Variants in MAGI3 observed in about 807,000 individuals in gnomAD.
The protein encoded by MAGI3 is membrane-associated guanylate kinase, WW and PDZ domain-containing protein 3.
MAGI3 carries 43 observed loss-of-function variants against 121.8 expected under a neutral mutation model. The observed-to-expected ratio is 0.35, with a 90% CI of 0.28 to 0.46. The LOEUF (loss-of-function observed/expected upper bound fraction) is 0.46, where lower values mean the gene tolerates loss of function less well. Ranked by LOEUF, MAGI3 falls within the 20% of genes least tolerant of loss-of-function variation. MAGI3 has a pLI of 1.00. For missense variants in MAGI3, 1,547 were observed against 1,797.3 expected, an observed-to-expected ratio of 0.86 and a Z score of 2.52; for synonymous variants, 553 against 639.3, an observed-to-expected ratio of 0.86 and a Z score of 2.04.
At chr1:113,670,650 G>A (rs989129151) in intron 16 of MAGI3, among the ~76,000 whole-genome samples, 1 of 152,134 alleles carries the variant, frequency 6.6e-6, no homozygotes, top group Non-Finnish European at 1.5e-5. Context: ...TGATGATGAT[G>A]ATGAAAATGA....
chr1:113,653,758 A>C (rs1054755612), intron 14 of MAGI3, 72 bp from the exon 15 acceptor site: 1 of 1,303,328 alleles, frequency 7.7e-7, no homozygotes, highest in Non-Finnish European at 1.0e-6. Context: ...TGAGAGGCTT[A>C]GCATAAAAAC....
rs777045196 is a variant in MAGI3, at chr1:113,428,253, G to C, written c.316+36904G>C. Among the ~76,000 whole-genome samples, 50 of 152,170 alleles carry C rather than the reference G, an allele frequency of 3.3e-4. 1 individual carries two copies. The highest frequency in any genetic ancestry group is 1.2e-4 in the Non-Finnish European group (8 of 68,016). ...AGATACTCTTTGTTTTCTTCTAACAGCTTTATTGCTTTGACTTTCACATTT... is the reference window on the plus strand; with the variant it reads ...AGATACTCTTTGTTTTCTTCTAACACCTTTATTGCTTTGACTTTCACATTT... On this transcript the variant is annotated intron_variant, in intron 1 of 20. Coordinates refer to ENST00000307546, the MANE Select transcript of MAGI3 (RefSeq NM_001142782.2).
intron 2 of MAGI3, among the ~76,000 whole-genome samples, chr1:113,557,775 GA>G (rs1470347340): frequency 6.6e-6 from 1 of 152,158 alleles, no homozygotes; most frequent in Admixed American, 6.5e-5. Flanking sequence ...CTCCTTACTG[GA>G]GTATCCAGCC....
chr1:113,459,858 C>G (rs1032072684), intron 1 of MAGI3, among the ~76,000 whole-genome samples: 2 of 152,142 alleles, frequency 1.3e-5, no homozygotes, highest in East Asian at 3.9e-4. Flanking sequence ...AGAGCTGGCA[C>G]CATTCCTACA....
intron 9 of MAGI3, among the ~76,000 whole-genome samples, chr1:113,626,445 A>T (rs1373407448): frequency 6.6e-6 from 1 of 151,912 alleles, no homozygotes; most frequent in Non-Finnish European, 1.5e-5. Flanking sequence ...TATGTCTTTG[A>T]TTTGGATATC....
chr1:113,649,341 T>G lies in MAGI3; in HGVS notation c.2247+13T>G, dbSNP rs748000720. The G allele has an allele frequency of 3.8e-6, 6 of 1,574,672 alleles. No individual in the cohort carries two copies. Among genetic ancestry groups the G allele is most frequent in the Non-Finnish European group, 4.3e-6 (5 of 1,152,382 alleles). On this transcript the variant is annotated intron_variant, in intron 13 of 20. Transcript: ENST00000307546. ...ACCTGACCAGTCTGTAAGTGTCACT[T>G]CTTTGGAACATGGCTGTTTCCTGTT... is the stretch of plus-strand genomic sequence containing the variant.
chr1:113,493,716 AACAG>A (rs778359896), intron 1 of MAGI3, among the ~76,000 whole-genome samples: 7 of 152,218 alleles, frequency 4.6e-5, no homozygotes, highest in South Asian at 4.1e-4. Context: ...AAAGAGCATG[AACAG>A]ACAGTTTTCA....
intron 11 of MAGI3, among the ~76,000 whole-genome samples, chr1:113,645,934 G>T (rs1053755403): frequency 3.3e-5 from 5 of 152,104 alleles, no homozygotes; most frequent in African/African-American, 1.2e-4. Flanking sequence ...TAATTGTCTT[G>T]CATGGTACAT....
intron 1 of MAGI3, among the ~76,000 whole-genome samples, chr1:113,454,381 G>T (rs976230430): frequency 6.6e-6 from 1 of 152,080 alleles, no homozygotes; most frequent in African/African-American, 2.4e-5. Flanking sequence ...TGACCTGTCC[G>T]TACATTTTAA....
chr1:113,453,835 A>G (rs1355770315), intron 1 of MAGI3, among the ~76,000 whole-genome samples: 3 of 152,258 alleles, frequency 2.0e-5, no homozygotes, highest in Non-Finnish European at 2.9e-5. Flanking sequence ...ACACATTAGT[A>G]TGAGAAGAGA....
At position 113,680,166 on chromosome 1, in the gene MAGI3, A is replaced by C. The variant is rs1391023480; in HGVS notation, c.3190-1032A>C. ...TCATGTATGTACAGGACATAGCAGCAGTTCAAAGGAATGAGCAGTTCTCCC... is the reference window on the plus strand; with the variant it reads ...TCATGTATGTACAGGACATAGCAGCCGTTCAAAGGAATGAGCAGTTCTCCC... On this transcript the variant is annotated intron_variant, in intron 19 of 20. Transcript: ENST00000307546. Among the ~76,000 whole-genome samples the C allele has an allele frequency of 2.6e-5, 4 of 152,368 alleles. No individual in the cohort carries two copies. In the East Asian group the frequency reaches 7.7e-4, roughly 29 times the overall value.
At chr1:113,623,918 T>C (rs1651047742) in intron 9 of MAGI3, among the ~76,000 whole-genome samples, 1 of 152,192 alleles carries the variant, frequency 6.6e-6, no homozygotes, top group Non-Finnish European at 1.5e-5. Context: ...GTTCAGTTGT[T>C]TTAATTTTTA....
intron 1 of MAGI3, among the ~76,000 whole-genome samples, chr1:113,399,993 GA>G (rs1203911555): frequency 6.6e-6 from 1 of 152,058 alleles, no homozygotes; most frequent in Non-Finnish European, 1.5e-5. Flanking sequence ...TGATTTCGTG[GA>G]AATTATGTGA....
intron 6 of MAGI3, among the ~76,000 whole-genome samples, chr1:113,609,178 C>T (rs1050832500): frequency 7.2e-5 from 11 of 152,142 alleles, no homozygotes; most frequent in African/African-American, 2.2e-4. Flanking sequence ...AATAGCCCCA[C>T]GGAAGACTAT....
At chr1:113,418,043 G>T (rs1055437393) in intron 1 of MAGI3, among the ~76,000 whole-genome samples, 3 of 151,342 alleles carry the variant, frequency 2.0e-5, no homozygotes, top group African/African-American at 7.3e-5. Context: ...GGGCTTTTTC[G>T]ACCTAAGACC....
At chr1:113,456,075 C>T (rs769114326) in intron 1 of MAGI3, among the ~76,000 whole-genome samples, 32 of 150,980 alleles carry the variant, frequency 2.1e-4, no homozygotes, top group South Asian at 6.3e-4. Flanking sequence ...CTCAGCCTCC[C>T]GAGTAGCTGG....
At chr1:113,541,389 A>T (rs1425980021) in intron 1 of MAGI3, among the ~76,000 whole-genome samples, 4 of 152,206 alleles carry the variant, frequency 2.6e-5, no homozygotes, top group Non-Finnish European at 4.4e-5. Context: ...GAATATAATA[A>T]CATTGCTTCA....
At chr1:113,671,935 G>C (rs1414630979) in intron 17 of MAGI3, 99 bp downstream of exon 17, 2 of 1,074,060 alleles carry the variant, frequency 1.9e-6, no homozygotes, top group Middle Eastern at 4.5e-4. Flanking sequence ...CCCCCATGCA[G>C]TAATGCAGAT....
chr1:113,685,222 TAA>T lies in MAGI3; in HGVS notation c.*1211_*1212del, dbSNP rs1384114275. 3 of 152,504 alleles carry T rather than the reference TAA, an allele frequency of 2.0e-5. No homozygotes were observed. In the East Asian group the frequency reaches 5.6e-4, roughly 29 times the overall value. The allele number at this position is 152,504 out of a possible 1,614,324, so 9.4% of individuals were successfully genotyped here. A position where few individuals can be genotyped will look rare whatever the true frequency, so the allele number is the denominator to read the frequency against. ...TTGTACACATTTTCAGAATTCTTTT[TAA>T]AAGTCTAGTTAAAGATGTTTCTTAG... On this transcript the variant is annotated 3_prime_UTR_variant, in exon 21 of 21. Transcript: ENST00000307546.
Sources: gnomAD v4.1 joint callset for allele counts (sites outside exome capture counted in the v4.1 genomes callset) on GRCh38, gnomAD v4.1.1 for gene constraint, MANE v1.5 for transcripts, NCBI Gene and HGNC (gene_info 2026-07-23, HGNC 2026-07-21) for gene names.